The following DPP6 variants were observed in gnomAD, a reference collection of about 807,000 sequenced individuals.
DPP6 encodes the protein dipeptidyl peptidase like 6.
A neutral mutation model predicts 122.6 loss-of-function variants in DPP6; 69 were observed. That is an observed-to-expected ratio of 0.56 (90% CI 0.46 to 0.69). DPP6 has a LOEUF of 0.69. DPP6 is among the 30% of genes least tolerant of loss of function. The pLI is 0.00. For synonymous variants in DPP6, 418 were observed against 433.1 expected, an observed-to-expected ratio of 0.97 and a Z score of 0.43; for missense variants, 928 against 1,116.9, an observed-to-expected ratio of 0.83 and a Z score of 2.41.
At chr7:154,592,881 C>T (rs1055012110) in intron 5 of DPP6, among the ~76,000 whole-genome samples, 3 of 152,176 alleles carry the variant, frequency 2.0e-5, no homozygotes, top group Admixed American at 2.0e-4. Flanking sequence ...AATACAGCCT[C>T]GCAAACTGAG....
chr7:154,133,072 A>G (rs141214627), intron 1 of DPP6, among the ~76,000 whole-genome samples: 198 of 152,176 alleles, frequency 1.3e-3, no homozygotes, highest in Middle Eastern at 3.4e-3. Flanking sequence ...AGTGATATAC[A>G]TAAACATCCC....
chr7:154,058,108 G>A (rs1801035207), intron 1 of DPP6: 1 of 128,204 alleles, frequency 7.8e-6, no homozygotes, highest in African/African-American at 2.8e-5. Context: ...ATGAGGCGGG[G>A]ACTCAGAGCC....
intron 3 of DPP6, among the ~76,000 whole-genome samples, chr7:154,518,869 A>G (rs1370583330): frequency 6.6e-6 from 1 of 152,140 alleles, no homozygotes; most frequent in Non-Finnish European, 1.5e-5. Context: ...GTATCAAGGC[A>G]CAGAAAAGCC....
At chr7:154,136,235 CGACTCCAAGACTGTCATT>C (rs1398363280) in intron 1 of DPP6, among the ~76,000 whole-genome samples, 1 of 152,076 alleles carries the variant, frequency 6.6e-6, no homozygotes, top group Non-Finnish European at 1.5e-5. Flanking sequence ...TAATGACAGT[CGACTCCAAGACTGTCATT>C]GGTAGATGGT....
intron 1 of DPP6, among the ~76,000 whole-genome samples, chr7:154,196,718 G>C (rs562679967): frequency 2.6e-5 from 4 of 152,086 alleles, no homozygotes; most frequent in Non-Finnish European, 4.4e-5. Context: ...TGAAAACATC[G>C]ATGTCATCAT....
At chr7:154,342,223 G>A (rs929791598) in intron 1 of DPP6, among the ~76,000 whole-genome samples, 2 of 152,158 alleles carry the variant, frequency 1.3e-5, no homozygotes, top group African/African-American at 4.8e-5. Context: ...ACCAGGTTAC[G>A]GTCAGCAGCC....
chr7:154,706,381 C>G, intron 7 of DPP6, among the ~76,000 whole-genome samples: 1 of 152,182 alleles, frequency 6.6e-6, no homozygotes, highest in East Asian at 1.9e-4. Flanking sequence ...CAGGGCAGAC[C>G]TCACAACCAC....
rs551795090 is a variant in DPP6, at chr7:154,129,917, AAG to A, written c.243+76856_243+76857del. 8.6e-5 allele frequency among the ~76,000 whole-genome samples: 13 copies of A among 151,600 alleles called. No homozygotes were observed. The South Asian group carries it at 1.5e-3, about 17-fold the overall frequency. On this transcript the variant is annotated intron_variant, in intron 1 of 25. Transcript: ENST00000377770. ...TCTGTCTCAAAAAAAAAAAAAGAAA[AAG>A]AAAAAAATTAGCTGGGCATGGTGAC...
intron 1 of DPP6, chr7:154,055,959 T>G (rs1800792235): frequency 6.6e-6 from 1 of 152,232 alleles, no homozygotes; most frequent in African/African-American, 2.4e-5. Flanking sequence ...TTGGCTTCTG[T>G]GCATGTGTGT....
At chr7:153,824,402 A>T in the DPP6 span, among the ~76,000 whole-genome samples, 1 of 147,628 alleles carries the variant, frequency 6.8e-6, no homozygotes. Context: ...AAAAAAAAAA[A>T]AAAGCCAGGC....
intron 1 of DPP6, among the ~76,000 whole-genome samples, chr7:154,319,527 C>G (rs1174306657): frequency 1.3e-5 from 2 of 152,060 alleles, no homozygotes; most frequent in African/African-American, 4.8e-5. Flanking sequence ...AACCCCATCT[C>G]TACTAAAAAT....
At position 154,760,954 on chromosome 7, in the gene DPP6, C is replaced by T; in HGVS notation, c.884-8463C>T. Among the ~76,000 whole-genome samples, 1 of 151,868 alleles carries T rather than the reference C, an allele frequency of 6.6e-6. No individual in the cohort carries two copies. The highest frequency in any genetic ancestry group is 1.9e-4 in the East Asian group (1 of 5,182). On this transcript the variant is annotated intron_variant, in intron 8 of 25. Coordinates refer to ENST00000377770, the MANE Select transcript of DPP6 (RefSeq NM_130797.4). The surrounding 1 kb of genome is among the most constrained non-coding windows in gnomAD (Gnocchi z 4.5). ...GGTTCAAGCGATTCTCCTGCCTCAGCCTCCCGGATAGCTGGGACTACAGGC... is the reference window on the plus strand; with the variant it reads ...GGTTCAAGCGATTCTCCTGCCTCAGTCTCCCGGATAGCTGGGACTACAGGC...
chr7:154,166,220 C>T (rs1251599257), intron 1 of DPP6, among the ~76,000 whole-genome samples: 1 of 152,074 alleles, frequency 6.6e-6, no homozygotes, highest in East Asian at 1.9e-4. Context: ...GAAGCAGCTC[C>T]TTAGTGCTGG....
At chr7:153,867,821 T>A in the DPP6 span, among the ~76,000 whole-genome samples, 1 of 152,196 alleles carries the variant, frequency 6.6e-6, no homozygotes, top group African/African-American at 2.4e-5. Flanking sequence ...TTGAGATACG[T>A]CCCATCAATA....
intron 1 of DPP6, among the ~76,000 whole-genome samples, chr7:154,390,511 CTG>C (rs1814523862): frequency 6.6e-6 from 1 of 152,134 alleles, no homozygotes; most frequent in Non-Finnish European, 1.5e-5. Flanking sequence ...AGCAGAAAAA[CTG>C]TAAGATCTGC....
the DPP6 span, among the ~76,000 whole-genome samples, chr7:153,819,967 G>A: frequency 6.6e-6 from 1 of 152,076 alleles, no homozygotes; most frequent in Non-Finnish European, 1.5e-5. Context: ...CTTAAAGCTA[G>A]GAACATTTTT....
At chr7:154,190,983 TATAA>T (rs1798589366) in intron 1 of DPP6, among the ~76,000 whole-genome samples, 1 of 152,222 alleles carries the variant, frequency 6.6e-6, no homozygotes, top group African/African-American at 2.4e-5. Context: ...ATTCATGAAA[TATAA>T]ATAAATTCTC....
chr7:154,284,498 T>C (rs1438423396), intron 1 of DPP6, among the ~76,000 whole-genome samples: 1 of 152,196 alleles, frequency 6.6e-6, no homozygotes, highest in Non-Finnish European at 1.5e-5. Context: ...CAATGGAATA[T>C]TATTCAGCCT....
rs185264414 is a variant in DPP6 at position 154,530,974 on chromosome 7, C to T, written c.458-9558C>T. Among the ~76,000 whole-genome samples the T allele has an allele frequency of 1.2e-4, 19 of 152,144 alleles. No homozygotes were observed. In the East Asian group the frequency reaches 3.7e-3, roughly 29 times the overall value. ...GAACATATGGACACATTGCAGGGAA[C>T]AACACACACTGGGGCCTATTGAGGG... On this transcript the variant is annotated intron_variant, in intron 3 of 25. Transcript: ENST00000377770.
Sources: allele counts gnomAD v4.1 joint callset (sites outside exome capture counted in the v4.1 genomes callset), GRCh38; gene constraint gnomAD v4.1.1; non-coding constraint Gnocchi (gnomAD v3.1); transcripts MANE v1.5; gene names NCBI Gene and HGNC (gene_info 2026-07-23, HGNC 2026-07-21).